Variants in SUSD6 observed in about 807,000 individuals in gnomAD.
SUSD6 encodes sushi domain containing 6.
In SUSD6, 16 loss-of-function variants were observed where a neutral mutation model predicts 28.4. The ratio of observed to expected loss-of-function variants is 0.56; its 90% CI spans 0.38 to 0.86. The LOEUF (loss-of-function observed/expected upper bound fraction) is 0.86, where lower values mean the gene tolerates loss of function less well. Ranked by LOEUF, SUSD6 falls within the 40% of genes least tolerant of loss-of-function variation. The pLI, the probability that SUSD6 is intolerant of heterozygous loss-of-function variation, is 0.00. For missense variants in SUSD6, 341 were observed against 384.2 expected, an observed-to-expected ratio of 0.89 and a Z score of 0.94; for synonymous variants, 147 against 159.6, an observed-to-expected ratio of 0.92 and a Z score of 0.59.
chr14:69,680,984 A>C (rs751969642), intron 2 of SUSD6, among the ~76,000 whole-genome samples: 15 of 152,106 alleles, frequency 9.9e-5, no homozygotes, highest in Non-Finnish European at 1.9e-4. Context: ...CCTACCCATA[A>C]ATTTTATTTA....
At chr14:69,625,528 G>A (rs981147692) in intron 1 of SUSD6, among the ~76,000 whole-genome samples, 2 of 152,212 alleles carry the variant, frequency 1.3e-5, no homozygotes, top group Non-Finnish European at 2.9e-5. Context: ...CTTCTCGGAT[G>A]TGCAGACAGG....
intron 1 of SUSD6, among the ~76,000 whole-genome samples, chr14:69,621,127 T>C (rs145535566): frequency 2.8e-3 from 432 of 152,284 alleles, no homozygotes; most frequent in African/African-American, 0.01. Context: ...GGAAGTTCCC[T>C]GAGGTTGGTG....
At chr14:69,710,875 C>G in intron 5 of SUSD6, 79 bp from the exon 6 acceptor site, 9 of 1,371,210 alleles carry the variant, frequency 6.6e-6, no homozygotes, top group Non-Finnish European at 9.4e-6. Flanking sequence ...AGGATAGCCC[C>G]TAAGTTGCAG....
chr14:69,677,699 A>G (rs1027800199), intron 2 of SUSD6, among the ~76,000 whole-genome samples: 1 of 152,200 alleles, frequency 6.6e-6, no homozygotes, highest in Non-Finnish European at 1.5e-5. Flanking sequence ...CAGATCTGCC[A>G]GAGGATTTAG....
At chr14:69,624,108 A>G (rs890576858) in intron 1 of SUSD6, among the ~76,000 whole-genome samples, 6 of 152,216 alleles carry the variant, frequency 3.9e-5, no homozygotes, top group African/African-American at 1.4e-4. Context: ...TAAGTGCCCT[A>G]TACAGATGTA....
chr14:69,687,022 C>T (rs764860838), intron 2 of SUSD6, among the ~76,000 whole-genome samples: 3 of 152,128 alleles, frequency 2.0e-5, no homozygotes, highest in Non-Finnish European at 4.4e-5. Flanking sequence ...TTGCCCAGGC[C>T]GGAGTGCAGT....
intron 4 of SUSD6, 122 bp from the exon 5 acceptor site, chr14:69,708,555 A>G: frequency 1.3e-6 from 1 of 745,488 alleles, no homozygotes; most frequent in South Asian, 2.1e-5. Context: ...TAAAATTCCT[A>G]GTGCTTTGCC....
chr14:69,623,356 G>A (rs559453360), intron 1 of SUSD6, among the ~76,000 whole-genome samples: 1 of 152,156 alleles, frequency 6.6e-6, no homozygotes, highest in Non-Finnish European at 1.5e-5. Flanking sequence ...TTGTAGCCAT[G>A]GTAAGGTCAT....
chr14:69,700,865 G>C (rs1040579122), intron 2 of SUSD6, among the ~76,000 whole-genome samples: 8 of 152,274 alleles, frequency 5.3e-5, no homozygotes, highest in African/African-American at 1.9e-4. Context: ...TTAATACCTT[G>C]TATATTTCCC....
intron 1 of SUSD6, among the ~76,000 whole-genome samples, chr14:69,647,909 C>T (rs1024303116): frequency 2.0e-5 from 3 of 151,906 alleles, no homozygotes; most frequent in East Asian, 1.9e-4. Context: ...CACTTGAACC[C>T]GAGAGGCAGA....
At chr14:69,688,375 C>T (rs910651976) in intron 2 of SUSD6, among the ~76,000 whole-genome samples, 9 of 152,154 alleles carry the variant, frequency 5.9e-5, no homozygotes, top group Non-Finnish European at 1.0e-4. Context: ...TGAGCCTGGA[C>T]GTGAGAGCTC....
intron 2 of SUSD6, among the ~76,000 whole-genome samples, chr14:69,702,530 G>T (rs751625382): frequency 2.1e-4 from 32 of 152,200 alleles, no homozygotes; most frequent in Non-Finnish European, 4.0e-4. Flanking sequence ...GTTTCAAGAG[G>T]GCAAAGGGGA....
intron 1 of SUSD6, among the ~76,000 whole-genome samples, chr14:69,612,629 C>G (rs550209012): frequency 6.6e-6 from 1 of 152,156 alleles, no homozygotes; most frequent in East Asian, 1.9e-4. Flanking sequence ...AAAGAGGCGT[C>G]AAAATAAAGT....
chr14:69,671,393 C>A (rs565321160), intron 2 of SUSD6, among the ~76,000 whole-genome samples: 6 of 152,154 alleles, frequency 3.9e-5, no homozygotes, highest in Non-Finnish European at 8.8e-5. Context: ...CCCTTCTGGT[C>A]CGAGGGAAGA....
rs536135426 is a variant in SUSD6, at chr14:69,636,602, C to T, written c.-80-21911C>T. 1.7e-3 allele frequency among the ~76,000 whole-genome samples: 254 copies of T among 152,342 alleles called. 1 individual carries two copies. The highest frequency in any genetic ancestry group is 5.4e-3 in the African/African-American group (223 of 41,582). On this transcript the variant is annotated intron_variant, in intron 1 of 5. Coordinates refer to ENST00000342745, the MANE Select transcript of SUSD6 (RefSeq NM_014734.4). ...AATATACACTCACAGAGCCTATCTC[C>T]GGTACTGCCATGTGTGCTTTCTGCC...
chr14:69,663,719 T>A (rs1459754348), intron 2 of SUSD6, among the ~76,000 whole-genome samples: 1 of 152,200 alleles, frequency 6.6e-6, no homozygotes, highest in Admixed American at 6.5e-5. Context: ...AAACTGATGA[T>A]TTTAAGTGGT....
chr14:69,639,117 A>ATCCT (rs2139601603), intron 1 of SUSD6, among the ~76,000 whole-genome samples: 3 of 152,160 alleles, frequency 2.0e-5, no homozygotes, highest in Admixed American at 2.0e-4. Flanking sequence ...CAAGGTCAGG[A>ATCCT]GATTGAGGTC....
chr14:69,635,790 C>T (rs1303290647), intron 1 of SUSD6, among the ~76,000 whole-genome samples: 1 of 152,238 alleles, frequency 6.6e-6, no homozygotes, highest in Non-Finnish European at 1.5e-5. Flanking sequence ...CTTTCTTGGC[C>T]TTTATATCCA....
chr14:69,634,435 G>A (rs544449379), intron 1 of SUSD6, among the ~76,000 whole-genome samples: 9 of 152,328 alleles, frequency 5.9e-5, no homozygotes, highest in African/African-American at 1.9e-4. Context: ...TCTTTGAATA[G>A]TAGAATCTTG....
Sources: gnomAD v4.1 joint callset for allele counts (sites outside exome capture counted in the v4.1 genomes callset) on GRCh38, gnomAD v4.1.1 for gene constraint, MANE v1.5 for transcripts, NCBI Gene and HGNC (gene_info 2026-07-23, HGNC 2026-07-21) for gene names.